Variants in MRPL19 observed in about 807,000 individuals in gnomAD.
MRPL19 encodes the protein mitochondrial ribosomal protein L19.
MRPL19 carries 31 observed loss-of-function variants against 34.0 expected under a neutral mutation model. The observed-to-expected ratio is 0.91, with a 90% CI of 0.68 to 1.23. The LOEUF (loss-of-function observed/expected upper bound fraction) is 1.23. MRPL19 is among the 50% of genes most tolerant of loss of function. The pLI, the probability that MRPL19 is intolerant of heterozygous loss-of-function variation, is 0.00. For missense variants in MRPL19, 384 were observed against 367.6 expected (o/e 1.04, Z -0.37); for synonymous variants, 152 against 127.7 (o/e 1.19, Z -1.28).
chr2:75,647,786 T>A (rs1183825834), intron 2 of MRPL19: 1 of 152,250 alleles, frequency 6.6e-6, no homozygotes, highest in Non-Finnish European at 1.5e-5. Context: ...TAGCAACCTT[T>A]TTAAAAAGCC....
rs1678494201 is a variant in MRPL19, at chr2:75,657,718, A to G, written c.*2433A>G. ...CCTAAAGCTCTGCAAATGTATGATC[A>G]GCTTGTAAGTACAGGTGCTCAAAAA... On this transcript the variant is annotated 3_prime_UTR_variant, in exon 6 of 6. Coordinates refer to ENST00000393909, the MANE Select transcript of MRPL19 (RefSeq NM_014763.4). 2 of 152,138 alleles carry G rather than the reference A, an allele frequency of 1.3e-5. No individual in the cohort carries two copies. Among genetic ancestry groups the G allele is most frequent in the South Asian group, 4.1e-4 (2 of 4,834 alleles). 9.4% of individuals were successfully genotyped at this position (152,138 alleles called of 1,614,324 possible). A position where few individuals can be genotyped will look rare whatever the true frequency, so the allele number is the denominator to read the frequency against.
At position 75,647,093 on chromosome 2, in the gene MRPL19, C is replaced by G; in HGVS notation, c.104-9C>G. 6.3e-7 allele frequency: 1 copy of G among 1,576,914 alleles called. No individual in the cohort carries two copies. The highest frequency in any genetic ancestry group is 1.2e-5 in the South Asian group (1 of 86,366). ...CGAGAGTTCTGACCTCCGTCGTCCGCTCCCGCAGGGGTCCACGCGGGGCCT... is the reference window on the plus strand; with the variant it reads ...CGAGAGTTCTGACCTCCGTCGTCCGGTCCCGCAGGGGTCCACGCGGGGCCT... On this transcript the variant is annotated splice_polypyrimidine_tract_variant and intron_variant, in intron 1 of 5. Transcript: ENST00000393909.
At chr2:75,651,909 T>C (rs1678339890) in intron 2 of MRPL19, 1 of 300,942 alleles carries the variant, frequency 3.3e-6, no homozygotes, top group Admixed American at 4.8e-5. Flanking sequence ...GCTAGAAGGA[T>C]TAATTTATGC....
rs1016013289 is a variant in MRPL19, at chr2:75,661,881, C to G, written c.*6596C>G. ...TTGACTGATTGTATGACTATGTCTT[C>G]TAGAACAATGTTGAACAGAAATGGT... On this transcript the variant is annotated 3_prime_UTR_variant, in exon 6 of 6. Coordinates refer to ENST00000393909, the MANE Select transcript of MRPL19 (RefSeq NM_014763.4). 1 of 152,092 alleles carries G rather than the reference C, an allele frequency of 6.6e-6. No individual in the cohort carries two copies. The highest frequency in any genetic ancestry group is 2.4e-5 in the African/African-American group (1 of 41,416). 9.4% of individuals were successfully genotyped at this position (152,092 alleles called of 1,614,324 possible).
chr2:75,652,499 T>G, intron 3 of MRPL19, 24 bp from the exon 4 acceptor site: 1 of 1,603,666 alleles, frequency 6.2e-7, no homozygotes, highest in Non-Finnish European at 8.5e-7. Context: ...GAAAAAAAAG[T>G]TCACTTCTCT....
chr2:75,654,033 C>T (rs531300921), intron 4 of MRPL19, among the ~76,000 whole-genome samples: 5 of 152,108 alleles, frequency 3.3e-5, no homozygotes, highest in Non-Finnish European at 7.3e-5. Flanking sequence ...TTATTCTGTT[C>T]GTGCTGTTGT....
rs1678611192 is a variant in MRPL19 at position 75,661,304 on chromosome 2, T to G, written c.*6019T>G. The G allele has an allele frequency of 6.6e-6, 1 of 152,204 alleles. No homozygotes were observed. Among genetic ancestry groups the G allele is most frequent in the African/African-American group, 2.4e-5 (1 of 41,452 alleles). The allele number at this position is 152,204 out of a possible 1,614,324, so 9.4% of individuals were successfully genotyped here. ...TTTTCAGAGTTCTGATAAAATTGGC[T>G]ATGCCTGTTCCTGCTTTAAAAAATA... On this transcript the variant is annotated 3_prime_UTR_variant, in exon 6 of 6. Coordinates refer to ENST00000393909, the MANE Select transcript of MRPL19 (RefSeq NM_014763.4).
intron 2 of MRPL19, among the ~76,000 whole-genome samples, chr2:75,650,418 C>T (rs1468700526): frequency 6.6e-6 from 1 of 152,148 alleles, no homozygotes; most frequent in Admixed American, 6.5e-5. Context: ...TCTCTTTTTA[C>T]AGAGGGAGAA....
intron 2 of MRPL19, 186 bp downstream of exon 2, chr2:75,647,405 C>A: frequency 8.5e-6 from 5 of 589,148 alleles, no homozygotes; most frequent in Non-Finnish European, 1.5e-5. Flanking sequence ...CAGCATTGAA[C>A]TTCTTTGCAG....
At position 75,657,371 on chromosome 2, in the gene MRPL19, G is replaced by C. The variant is rs1678482654; in HGVS notation, c.*2086G>C. ...GGCTTCCAATCTCCTTCCTGGAGGG[G>C]TCTGTCCAGGAAGGAGATTGTCTAG... is the stretch of plus-strand genomic sequence containing the variant. On this transcript the variant is annotated 3_prime_UTR_variant, in exon 6 of 6. Coordinates refer to ENST00000393909, the MANE Select transcript of MRPL19 (RefSeq NM_014763.4). 1 of 152,008 alleles carries C rather than the reference G, an allele frequency of 6.6e-6. No individual in the cohort carries two copies. The highest frequency in any genetic ancestry group is 1.5e-5 in the Non-Finnish European group (1 of 67,968). 9.4% of individuals were successfully genotyped at this position (152,008 alleles called of 1,614,324 possible).
At chr2:75,652,307 G>C in intron 3 of MRPL19, 47 bp downstream of exon 3, 1 of 1,382,284 alleles carries the variant, frequency 7.2e-7, no homozygotes, top group Non-Finnish European at 1.0e-6. Flanking sequence ...AGGATGGCTA[G>C]TTTGTGATTG....
At position 75,654,805 on chromosome 2, in the gene MRPL19, G is replaced by A. The variant is rs749654818; in HGVS notation, c.545G>A (p.Arg182Gln). 1.2e-6 allele frequency: 2 copies of A among 1,613,758 alleles called. No homozygotes were observed. Among genetic ancestry groups the A allele is most frequent in the South Asian group, 1.1e-5 (1 of 91,072 alleles). The change falls in exon 5 of 6, where the codon CGG (arginine) becomes CAG (glutamine). Residue 182 changes from arginine (R) to glutamine (Q), a missense_variant. Arg to Gln is a conservative substitution (Grantham distance 43, BLOSUM62 1). Transcript: ENST00000393909. ...QEIQVVKLEKRLDDSLLYLRD... is the reference protein window; with the variant it reads ...QEIQVVKLEKQLDDSLLYLRD... ...ATTCAGGTGGTCAAATTAGAGAAAC[G>A]GCTGGATGATAGCTTGCTATACTTA...
intron 4 of MRPL19, 121 bp from the exon 5 acceptor site, chr2:75,654,615 G>T: frequency 2.3e-5 from 17 of 751,178 alleles, no homozygotes; most frequent in South Asian, 1.7e-4. Flanking sequence ...TCAAATTAAC[G>T]GCACATTTTC....
intron 4 of MRPL19, 30 bp downstream of exon 4, chr2:75,652,687 T>G (rs773788787): frequency 6.3e-7 from 1 of 1,595,618 alleles, no homozygotes; most frequent in Non-Finnish European, 8.5e-7. Context: ...TTTCATTGTC[T>G]AGAAAATGTT....
intron 2 of MRPL19, chr2:75,651,431 C>G (rs1678330473): frequency 3.7e-6 from 2 of 537,166 alleles, no homozygotes; most frequent in African/African-American, 3.8e-5. Context: ...TAGCTGTCCT[C>G]TGGACTCATC....
rs541873855 is a variant in MRPL19, at chr2:75,657,355, T to C, written c.*2070T>C. 1 of 152,120 alleles carries C rather than the reference T, an allele frequency of 6.6e-6. No individual in the cohort carries two copies. The highest frequency in any genetic ancestry group is 1.5e-5 in the Non-Finnish European group (1 of 67,960). The allele number at this position is 152,120 out of a possible 1,614,324, so 9.4% of individuals were successfully genotyped here. A position where few individuals can be genotyped will look rare whatever the true frequency, so the allele number is the denominator to read the frequency against. On this transcript the variant is annotated 3_prime_UTR_variant, in exon 6 of 6. Transcript: ENST00000393909. Reference sequence around the variant, plus strand: ...GATTCCCTAGAATAGAGGCTTCCAATCTCCTTCCTGGAGGGGTCTGTCCAG... The same window carrying C: ...GATTCCCTAGAATAGAGGCTTCCAACCTCCTTCCTGGAGGGGTCTGTCCAG...
chr2:75,646,953 C>T, intron 1 of MRPL19, 43 bp downstream of exon 1: 2 of 1,526,258 alleles, frequency 1.3e-6, no homozygotes, highest in South Asian at 1.3e-5. Context: ...GTTAGGGGCC[C>T]AGGGTCAGGA....
Position 75,660,969 on chromosome 2 carries a change from C to CA in MRPL19, c.*5684_*5685insA, listed in dbSNP as rs529764922. On this transcript the variant is annotated 3_prime_UTR_variant, in exon 6 of 6. Coordinates refer to ENST00000393909, the MANE Select transcript of MRPL19 (RefSeq NM_014763.4). ...CATAGTCTTTCGACCCAGGTGTTTG[C>CA]GGTTGTTAGTTCACCTTACACTTTT... 4.2e-4 allele frequency: 64 copies of CA among 152,226 alleles called. 1 individual carries two copies. Among genetic ancestry groups the CA allele is most frequent in the African/African-American group, 1.5e-3 (61 of 41,536 alleles). The allele number at this position is 152,226 out of a possible 1,614,324, so 9.4% of individuals were successfully genotyped here.
In MRPL19 at chr2:75,659,447, A is replaced by G. The variant is rs899565780; in HGVS notation, c.*4162A>G. Among the ~76,000 whole-genome samples, 1 of 152,150 alleles carries G rather than the reference A, an allele frequency of 6.6e-6. No homozygotes were observed. The highest frequency in any genetic ancestry group is 2.4e-5 in the African/African-American group (1 of 41,464). Reference sequence around the variant, plus strand: ...AATACTGACTTTTATATTTGTCAATATATTTATCTTATTTTGGATCCTTAT... The same window carrying G: ...AATACTGACTTTTATATTTGTCAATGTATTTATCTTATTTTGGATCCTTAT... On this transcript the variant is annotated 3_prime_UTR_variant, in exon 6 of 6. Coordinates refer to ENST00000393909, the MANE Select transcript of MRPL19 (RefSeq NM_014763.4).
Sources: allele counts gnomAD v4.1 joint callset (sites outside exome capture counted in the v4.1 genomes callset), GRCh38; gene constraint gnomAD v4.1.1; transcripts MANE v1.5; gene names NCBI Gene and HGNC (gene_info 2026-07-23, HGNC 2026-07-21).